Variants in ZC4H2 observed in about 807,000 individuals in gnomAD.
ZC4H2 encodes the protein zinc finger C4H2 domain-containing protein.
For synonymous variants in ZC4H2, 84 were observed against 66.3 expected, an observed-to-expected ratio of 1.27 and a Z score of -1.30; for missense variants, 137 against 173.9, an observed-to-expected ratio of 0.79 and a Z score of 1.19.
At chrX:65,001,641 A>G (rs1160179190) in intron 1 of ZC4H2, among the ~76,000 whole-genome samples, 1 of 111,963 alleles carries the variant, frequency 8.9e-6, no homozygotes, top group Non-Finnish European at 1.9e-5. Flanking sequence ...TAAAAGAAAC[A>G]GAATGGCAAA....
In ZC4H2 at chrX:64,928,726, CTCT is replaced by C. The variant is rs1174530433; in HGVS notation, c.54-6741_54-6739del. Among the ~76,000 whole-genome samples the C allele has an allele frequency of 1.4e-3, 135 of 97,291 alleles. 1 individual carries two copies. The highest frequency in any genetic ancestry group is 4.5e-3 in the East Asian group (14 of 3,092). 84.5% of individuals were successfully genotyped at this position (97,291 alleles called of 115,157 possible). ...TCTCCTCCTCCTCCCCCTCCTCCTCCTCTTCTTCTTCTCCTTCTCCTTCTTCTT... is the reference window on the plus strand; with the variant it reads ...TCTCCTCCTCCTCCCCCTCCTCCTCCTCTTCTTCTCCTTCTCCTTCTTCTT... On this transcript the variant is annotated intron_variant, in intron 1 of 4. Transcript: ENST00000374839.
intron 1 of ZC4H2, among the ~76,000 whole-genome samples, chrX:64,930,489 A>G (rs916372547): frequency 1.1e-4 from 12 of 111,593 alleles, no homozygotes; most frequent in African/African-American, 3.9e-4. Flanking sequence ...CATTCAGTAT[A>G]ATGTTGCCTG....
At chrX:64,968,580 A>G (rs1931670840) in intron 1 of ZC4H2, among the ~76,000 whole-genome samples, 2 of 111,693 alleles carry the variant, frequency 1.8e-5, no homozygotes, top group Non-Finnish European at 3.8e-5. Context: ...ACAAGTGAGG[A>G]AGCCATCCAG....
chrX:64,960,324 T>C (rs1931335102), intron 1 of ZC4H2, among the ~76,000 whole-genome samples: 1 of 110,011 alleles, frequency 9.1e-6, no homozygotes, highest in Non-Finnish European at 1.9e-5. Flanking sequence ...TTTTTTTTAA[T>C]GAAAAAAAGG....
intron 1 of ZC4H2, among the ~76,000 whole-genome samples, chrX:65,002,495 C>A (rs1487263033): frequency 1.8e-5 from 2 of 110,480 alleles, no homozygotes; most frequent in Non-Finnish European, 3.8e-5. Context: ...GGCACCTCTG[C>A]CCGGCCGCCC....
At chrX:64,954,033 C>A (rs1482170555) in intron 1 of ZC4H2, among the ~76,000 whole-genome samples, 1 of 108,005 alleles carries the variant, frequency 9.3e-6, no homozygotes, top group Non-Finnish European at 1.9e-5. Context: ...ATGGATGAAG[C>A]TGGAAACCAT....
intron 1 of ZC4H2, among the ~76,000 whole-genome samples, chrX:64,954,638 G>T (rs1471109003): frequency 2.8e-5 from 3 of 106,423 alleles, no homozygotes; most frequent in South Asian, 4.0e-4. Context: ...CTTTTAGGAG[G>T]TTCATGAAAG....
chrX:64,990,438 A>G (rs1474182132), intron 1 of ZC4H2, among the ~76,000 whole-genome samples: 1 of 111,238 alleles, frequency 9.0e-6, no homozygotes, highest in East Asian at 2.8e-4. Context: ...AATGTTCTGT[A>G]TCTTGATTAT....
intron 1 of ZC4H2, among the ~76,000 whole-genome samples, chrX:64,934,704 G>A (rs1362267280): frequency 8.9e-6 from 1 of 112,001 alleles, no homozygotes; most frequent in African/African-American, 3.2e-5. Context: ...GCCAAAGCAA[G>A]GTGGGGCATC....
chrX:64,937,894 A>G (rs1930090463), intron 1 of ZC4H2, among the ~76,000 whole-genome samples: 1 of 111,675 alleles, frequency 9.0e-6, no homozygotes, highest in Non-Finnish European at 1.9e-5. Context: ...AAGAGCAAAC[A>G]AATTCAAAAG....
intron 1 of ZC4H2, among the ~76,000 whole-genome samples, chrX:64,951,417 AC>A (rs1050380684): frequency 2.7e-5 from 3 of 111,802 alleles, no homozygotes; most frequent in African/African-American, 9.8e-5. Flanking sequence ...AGTCCCACCA[AC>A]AGTGTAAAAG....
chrX:64,917,920 A>T, intron 4 of ZC4H2, 24 bp from the exon 5 acceptor site: 1 of 1,193,050 alleles, frequency 8.4e-7, no homozygotes, highest in Non-Finnish European at 1.1e-6. Context: ...CAGGAAAAAG[A>T]AAGTTAGTAG....
chrX:65,024,625 C>T (rs976427763), intron 1 of ZC4H2, among the ~76,000 whole-genome samples: 1 of 111,200 alleles, frequency 9.0e-6, no homozygotes, highest in Non-Finnish European at 1.9e-5. Context: ...TTCACAATAC[C>T]GAAGACATGG....
At chrX:64,952,947 C>G (rs1190920670) in intron 1 of ZC4H2, among the ~76,000 whole-genome samples, 1 of 111,784 alleles carries the variant, frequency 8.9e-6, no homozygotes, top group Non-Finnish European at 1.9e-5. Flanking sequence ...GTAACCAAAA[C>G]AGCATGGTAC....
At chrX:65,012,974 T>C (rs754415738) in intron 1 of ZC4H2, among the ~76,000 whole-genome samples, 19 of 111,780 alleles carry the variant, frequency 1.7e-4, no homozygotes, top group Admixed American at 6.7e-4. Context: ...TTACATTTCA[T>C]TGGCCAGAAC....
chrX:64,921,743 C>T, intron 2 of ZC4H2, 74 bp downstream of exon 2: 1 of 1,102,257 alleles, frequency 9.1e-7, no homozygotes, highest in Non-Finnish European at 1.2e-6. Context: ...AGCCACATCT[C>T]AAGGAAAGGC....
chrX:64,931,290 C>A (rs760489696), intron 1 of ZC4H2, among the ~76,000 whole-genome samples: 1 of 111,924 alleles, frequency 8.9e-6, no homozygotes, highest in Non-Finnish European at 1.9e-5. Context: ...CTTATCTTTT[C>A]AGAGAATCAG....
intron 1 of ZC4H2, among the ~76,000 whole-genome samples, chrX:64,951,575 G>A (rs370184423): frequency 4.5e-5 from 5 of 112,029 alleles, no homozygotes; most frequent in Admixed American, 3.8e-4. Context: ...TTTTTCATGC[G>A]TTTTTTGGCT....
At chrX:65,006,322 A>G (rs1351912496) in intron 1 of ZC4H2, among the ~76,000 whole-genome samples, 2 of 111,910 alleles carry the variant, frequency 1.8e-5, no homozygotes, top group African/African-American at 3.3e-5. Context: ...ATTCCCATCA[A>G]TGAAAGACTG....
Sources: gnomAD v4.1 joint callset for allele counts (sites outside exome capture counted in the v4.1 genomes callset) on GRCh38, gnomAD v4.1.1 for gene constraint, MANE v1.5 for transcripts, NCBI Gene and HGNC (gene_info 2026-07-23, HGNC 2026-07-21) for gene names.